SARS1: variants seen among roughly 807,000 people sequenced by gnomAD.
SARS1 encodes seryl-tRNA synthetase 1.
SARS1 carries 25 observed loss-of-function variants against 63.7 expected under a neutral mutation model. The ratio of observed to expected loss-of-function variants is 0.39; its 90% CI spans 0.29 to 0.55. SARS1 has a LOEUF of 0.55. Ranked by LOEUF, SARS1 falls within the 20% of genes least tolerant of loss-of-function variation. SARS1 has a pLI of 0.62. For synonymous variants in SARS1, 231 were observed against 243.5 expected (o/e 0.95, Z 0.48); for missense variants, 417 against 649.7 (o/e 0.64, Z 3.89).
chr1:109,215,295 A>T (rs1368484745), intron 1 of SARS1: 4 of 985,342 alleles, frequency 4.1e-6, no homozygotes, highest in Middle Eastern at 5.2e-4. Context: ...TAGCCTGAGC[A>T]CTGTTCTACT....
chr1:109,216,721 A>C (rs1654797862), intron 1 of SARS1: 1 of 553,136 alleles, frequency 1.8e-6, no homozygotes, highest in Admixed American at 6.4e-5. Context: ...CCCCAGGCTC[A>C]GATGATCCTC....
At chr1:109,236,258 G>T (rs898358664) in intron 8 of SARS1, 133 bp from the exon 9 acceptor site, 1 of 1,282,396 alleles carries the variant, frequency 7.8e-7, no homozygotes, top group South Asian at 1.4e-5. Flanking sequence ...GGAGTATTTG[G>T]TGTTAAGAAT....
chr1:109,222,613 A>C (rs1006539786), intron 1 of SARS1, among the ~76,000 whole-genome samples: 1 of 152,246 alleles, frequency 6.6e-6, no homozygotes, highest in African/African-American at 2.4e-5. Flanking sequence ...TTTGCATTGA[A>C]GTTTTGTTAA....
chr1:109,227,166 T>C (rs1480694988), intron 2 of SARS1, among the ~76,000 whole-genome samples: 1 of 151,930 alleles, frequency 6.6e-6, no homozygotes, highest in Non-Finnish European at 1.5e-5. Flanking sequence ...GCCTAATTTT[T>C]GTATTTTTAG....
chr1:109,226,605 C>T (rs534339549), intron 2 of SARS1, among the ~76,000 whole-genome samples: 8 of 145,320 alleles, frequency 5.5e-5, no homozygotes, highest in South Asian at 2.2e-4. Flanking sequence ...GCAGTCCCCC[C>T]GCCTCAGCCT....
chr1:109,230,086 A>G (rs1396446212), intron 4 of SARS1, among the ~76,000 whole-genome samples: 1 of 152,044 alleles, frequency 6.6e-6, no homozygotes. Context: ...GGTGTGCAGG[A>G]GGCTGCAGAG....
intron 6 of SARS1, among the ~76,000 whole-genome samples, chr1:109,232,905 C>T (rs928100906): frequency 1.3e-5 from 2 of 152,326 alleles, no homozygotes; most frequent in South Asian, 2.1e-4. Context: ...CTGCAATCTC[C>T]GTCTCTTATC....
At position 109,237,447 on chromosome 1, in the gene SARS1, A is replaced by C. The variant is rs1449291375; in HGVS notation, c.1387+74A>C. 14 of 1,596,118 alleles carry C rather than the reference A, an allele frequency of 8.8e-6. No homozygotes were observed. In the Admixed American group the frequency reaches 2.4e-4, roughly 27 times the overall value. On this transcript the variant is annotated intron_variant, in intron 10 of 10. Transcript: ENST00000234677. The surrounding 1 kb of genome is among the most constrained non-coding windows in gnomAD (Gnocchi z 4.1). ...CTCTTCTAAATAGCAGTCCCCTTTC[A>C]GGATATACCAGGTTTTTTTGTTCAG...
At chr1:109,231,883 T>C (rs1045738043) in intron 6 of SARS1, 97 bp downstream of exon 6, 2 of 1,060,496 alleles carry the variant, frequency 1.9e-6, no homozygotes, top group Admixed American at 7.8e-5. Context: ...CTTTCTGCGA[T>C]GATGGAAACG....
At chr1:109,216,582 C>G in intron 1 of SARS1, 1 of 985,040 alleles carries the variant, frequency 1.0e-6, no homozygotes, top group Non-Finnish European at 1.2e-6. Flanking sequence ...AAAGTGCTAT[C>G]CTGAGTGGTT....
At position 109,235,863 on chromosome 1, in the gene SARS1, C is replaced by A. The variant is rs1434050521; in HGVS notation, c.970-114C>A. On this transcript the variant is annotated intron_variant, in intron 7 of 10. Transcript: ENST00000234677. This position sits in a 1 kb window ranked among gnomAD's most constrained non-coding sequence, Gnocchi z 4.7. ...CAGTCCCAGTTGCTGGGGGCCCAGA[C>A]TTGCCTGCCTCCCAGTGGTGTGGAA... 1.9e-6 allele frequency: 2 copies of A among 1,066,850 alleles called. No individual in the cohort carries two copies. The highest frequency in any genetic ancestry group is 2.7e-6 in the Non-Finnish European group (2 of 738,760). The allele number at this position is 1,066,850 out of a possible 1,614,324, so 66.1% of individuals were successfully genotyped here.
chr1:109,236,212 C>A, intron 8 of SARS1, 106 bp downstream of exon 8: 2 of 1,387,858 alleles, frequency 1.4e-6, no homozygotes, highest in Admixed American at 4.4e-5. Flanking sequence ...CAACTCATTG[C>A]CCACATTAAT....
intron 1 of SARS1, chr1:109,215,004 A>G (rs917778373): frequency 2.2e-5 from 22 of 985,352 alleles, no homozygotes; most frequent in Middle Eastern, 5.2e-4. Context: ...GTCTGATGCA[A>G]TAGGTCTGCA....
In SARS1 at chr1:109,215,289, C is replaced by T. The variant is rs1439109671; in HGVS notation, c.136+1161C>T. 4 of 985,296 alleles carry T rather than the reference C, an allele frequency of 4.1e-6. No individual in the cohort carries two copies. In the African/African-American group the frequency reaches 7.0e-5, roughly 17 times the overall value. The allele number at this position is 985,296 out of a possible 1,614,324, so 61.0% of individuals were successfully genotyped here. The stretch of plus-strand genomic sequence containing the variant: ...ATTTTTTGTTTAGGATAAAACTAGC[C>T]TGAGCACTGTTCTACTGAATCTGAA... On this transcript the variant is annotated intron_variant, in intron 1 of 10. Transcript: ENST00000234677.
chr1:109,214,492 CCA>C lies in SARS1; in HGVS notation c.136+365_136+366del, dbSNP rs1044816626. 4 of 1,008,536 alleles carry C rather than the reference CCA, an allele frequency of 4.0e-6. No homozygotes were observed. In the Admixed American group the frequency reaches 1.6e-4, roughly 40 times the overall value. 62.5% of individuals were successfully genotyped at this position (1,008,536 alleles called of 1,614,324 possible). On this transcript the variant is annotated intron_variant, in intron 1 of 10. Coordinates refer to ENST00000234677, the MANE Select transcript of SARS1 (RefSeq NM_006513.4). This position sits in a 1 kb window ranked among gnomAD's most constrained non-coding sequence, Gnocchi z 4.6. ...TCCTAACACGAATCTTTGGTCCCCC[CCA>C]GTCTTTTTCTCATCTTCAGCAAGGC...
intron 1 of SARS1, chr1:109,215,772 C>A: frequency 3.8e-6 from 2 of 531,264 alleles, no homozygotes; most frequent in Non-Finnish European, 4.8e-6. Context: ...GTGGCACCAT[C>A]TCGGCTCACT....
rs548917691 is a variant in SARS1 at position 109,228,406 on chromosome 1, G to A, written c.262G>A (p.Asp88Asn). The A allele has an allele frequency of 1.1e-5, 17 of 1,613,316 alleles. No individual in the cohort carries two copies. Among genetic ancestry groups the A allele is most frequent in the African/African-American group, 2.7e-5 (2 of 74,994 alleles). Residue 88 changes from aspartate (D) to asparagine (N), a missense_variant, in exon 3 of 11, where the codon GAT (aspartate) becomes AAT (asparagine). By Grantham distance (23) the Asp-to-Asn change is conservative. Around this residue, in one of 3 missense-constraint regions of SARS1, gnomAD observed 359 missense variants for 529.6 expected, o/e 0.68. Transcript: ENST00000234677. Reference protein sequence around the residue: ...ESVPENVLSFDDLTADALANL... With the variant: ...ESVPENVLSFNDLTADALANL... ...TGTCCCAGAGAATGTGCTGAGTTTC[G>A]ATGACCTTACTGCAGACGCTTTAGC... is the stretch of plus-strand genomic sequence containing the variant.
intron 2 of SARS1, among the ~76,000 whole-genome samples, chr1:109,225,683 A>T (rs1655048465): frequency 6.6e-6 from 1 of 152,234 alleles, no homozygotes; most frequent in Non-Finnish European, 1.5e-5. Flanking sequence ...TTTGATCCTT[A>T]CTGCAGAGCT....
intron 1 of SARS1, among the ~76,000 whole-genome samples, chr1:109,221,122 G>A (rs1235455947): frequency 6.0e-5 from 9 of 149,594 alleles, no homozygotes; most frequent in South Asian, 4.2e-4. Context: ...ATGCAGTGGC[G>A]TGACCTCAGC....
Sources: gnomAD v4.1 joint callset for allele counts (sites outside exome capture counted in the v4.1 genomes callset) on GRCh38, gnomAD v4.1.1 for gene constraint, gnomAD v4.1.1 regional missense constraint, Gnocchi (gnomAD v3.1) non-coding constraint, MANE v1.5 for transcripts, NCBI Gene and HGNC (gene_info 2026-07-23, HGNC 2026-07-21) for gene names.